DCLK2: variants seen among roughly 807,000 people sequenced by gnomAD.
DCLK2 encodes the protein serine/threonine-protein kinase DCLK2.
DCLK2 carries 31 observed loss-of-function variants against 78.4 expected under a neutral mutation model. The observed-to-expected ratio is 0.40, with a 90% CI of 0.30 to 0.53. The LOEUF (loss-of-function observed/expected upper bound fraction) is 0.53, where lower values mean the gene tolerates loss of function less well. DCLK2 is among the 20% of genes least tolerant of loss of function. The pLI is 0.61. For synonymous variants in DCLK2, 407 were observed against 374.9 expected (o/e 1.09, Z -0.99); for missense variants, 872 against 973.7 (o/e 0.90, Z 1.39).
At chr4:150,235,519 G>T (rs1742431690) in intron 10 of DCLK2, among the ~76,000 whole-genome samples, 1 of 152,136 alleles carries the variant, frequency 6.6e-6, no homozygotes, top group African/African-American at 2.4e-5. Context: ...GAGCCCCCTT[G>T]TGTTAGCCCA....
chr4:150,180,376 A>C (rs1737419937), intron 2 of DCLK2, among the ~76,000 whole-genome samples: 1 of 152,208 alleles, frequency 6.6e-6, no homozygotes, highest in East Asian at 1.9e-4. Context: ...TCTGTTGGAA[A>C]TAGAAAATTT....
intron 2 of DCLK2, chr4:150,175,420 A>G (rs1452854698): frequency 6.6e-6 from 1 of 151,790 alleles, no homozygotes; most frequent in Non-Finnish European, 1.5e-5. Flanking sequence ...TCAGGAGGGA[A>G]CTAATTTCTG....
chr4:150,119,019 C>A (rs1026169446), intron 2 of DCLK2, among the ~76,000 whole-genome samples: 1 of 137,646 alleles, frequency 7.3e-6, no homozygotes, highest in South Asian at 2.3e-4. Context: ...TTGAGTGAGG[C>A]TCTGTCTCAA....
At position 150,239,814 on chromosome 4, in the gene DCLK2, C is replaced by T. The variant is rs1742773583; in HGVS notation, c.1639C>T (p.Pro547Ser). ...TGGGCTTGCGACTGTGGTAGAAGGC[C>T]CTTTATACACAGTCTGTGGCACACC... ...DFGLATVVEG[P>S]LYTVCGTPTY... Residue 547 changes from proline (P) to serine (S), a missense_variant, in exon 11 of 16, where the codon CCT becomes TCT. This residue lies in a region of DCLK2 where 86 missense variants were observed against 150.3 expected (regional missense o/e 0.57). Coordinates refer to ENST00000296550, the MANE Select transcript of DCLK2 (RefSeq NM_001040260.4). 1 of 1,614,142 alleles carries T rather than the reference C, an allele frequency of 6.2e-7. No individual in the cohort carries two copies. Among genetic ancestry groups the T allele is most frequent in the Non-Finnish European group, 8.5e-7 (1 of 1,180,038 alleles).
intron 2 of DCLK2, among the ~76,000 whole-genome samples, chr4:150,188,993 G>C (rs1738178207): frequency 6.6e-6 from 1 of 150,572 alleles, no homozygotes; most frequent in Admixed American, 6.6e-5. Flanking sequence ...CTTGTTAAAT[G>C]CTTCTATTCC....
chr4:150,091,024 A>G (rs1257210972), intron 1 of DCLK2, among the ~76,000 whole-genome samples: 1 of 152,216 alleles, frequency 6.6e-6, no homozygotes, highest in Non-Finnish European at 1.5e-5. Flanking sequence ...TTAGTCTGCC[A>G]ATTCCTTTAA....
Position 150,079,250 on chromosome 4 carries a change from C to A in DCLK2, c.223C>A (p.Arg75Ser), listed in dbSNP as rs1289318927. ...CTCGGAGAAGAAGGCCAAGAAGGCG[C>A]GCTTCTACCGGAACGGGGACCGCTA... is the stretch of plus-strand genomic sequence containing the variant. The part of the protein sequence containing the change: ...LSSEKKAKKA[R>S]FYRNGDRYFK... The change falls in exon 1 of 16, where the codon CGC becomes AGC. Residue 75 changes from arginine (R) to serine (S), a missense_variant. Coordinates refer to ENST00000296550, the MANE Select transcript of DCLK2 (RefSeq NM_001040260.4). 1.2e-6 allele frequency: 2 copies of A among 1,607,620 alleles called. No individual in the cohort carries two copies.
At chr4:150,155,780 C>T (rs764211526) in intron 2 of DCLK2, among the ~76,000 whole-genome samples, 8 of 152,100 alleles carry the variant, frequency 5.3e-5, no homozygotes, top group South Asian at 4.2e-4. Flanking sequence ...AGAGGGCAGA[C>T]GCAAGACTGC....
intron 2 of DCLK2, among the ~76,000 whole-genome samples, chr4:150,170,796 AAAC>A (rs2150258531): frequency 6.6e-6 from 1 of 152,344 alleles, no homozygotes; most frequent in Admixed American, 6.5e-5. Flanking sequence ...TCTTGGAAAA[AAAC>A]CTGTACAACA....
chr4:150,156,714 T>C (rs1463314934), intron 2 of DCLK2, among the ~76,000 whole-genome samples: 1 of 151,354 alleles, frequency 6.6e-6, no homozygotes, highest in African/African-American at 2.4e-5. Context: ...AAAGAATATG[T>C]TGTATATAGG....
intron 12 of DCLK2, among the ~76,000 whole-genome samples, chr4:150,240,837 T>C (rs372347593): frequency 6.6e-6 from 1 of 151,884 alleles, no homozygotes; most frequent in East Asian, 1.9e-4. Context: ...AGCCTATTAA[T>C]GTATATTCTC....
At chr4:150,086,839 A>G (rs556298608) in intron 1 of DCLK2, among the ~76,000 whole-genome samples, 49 of 152,144 alleles carry the variant, frequency 3.2e-4, no homozygotes, top group Middle Eastern at 3.4e-3. Flanking sequence ...ATTTCTCGTT[A>G]TGTGTTTAAA....
In DCLK2 at chr4:150,248,187, G is replaced by C. The variant is rs1344337618; in HGVS notation, c.1876-118G>C. On this transcript the variant is annotated intron_variant, in intron 13 of 15. Transcript: ENST00000296550. Reference sequence around the variant, plus strand: ...TATAATCACGTTTAGGTTTGAATCAGTTAGCAGCTGTGCTGGCTCTTCTCT... The same window carrying C: ...TATAATCACGTTTAGGTTTGAATCACTTAGCAGCTGTGCTGGCTCTTCTCT... 4 of 788,282 alleles carry C rather than the reference G, an allele frequency of 5.1e-6. No individual in the cohort carries two copies. In the African/African-American group the frequency reaches 6.8e-5, roughly 13 times the overall value. 48.8% of individuals were successfully genotyped at this position (788,282 alleles called of 1,614,324 possible).
intron 2 of DCLK2, among the ~76,000 whole-genome samples, chr4:150,162,156 A>G (rs1399582600): frequency 1.3e-5 from 2 of 152,012 alleles, no homozygotes; most frequent in Non-Finnish European, 2.9e-5. Context: ...TCAGCCTCCC[A>G]AATAGCTGGC....
chr4:150,198,916 C>CG lies in DCLK2; in HGVS notation c.961+813_961+814insG, dbSNP rs959996310. 4.7e-4 allele frequency: 273 copies of CG among 579,128 alleles called. 13 individuals carry two copies. The Admixed American group carries it at 6.7e-3, about 14-fold the overall frequency. 35.9% of individuals were successfully genotyped at this position (579,128 alleles called of 1,614,324 possible). A position where few individuals can be genotyped will look rare whatever the true frequency, so the allele number is the denominator to read the frequency against. On this transcript the variant is annotated intron_variant, in intron 4 of 15. Transcript: ENST00000296550. ...CGCCCTTTCCCCTTTCAGCACCCCC[C>CG]CCCCCACTTTCTGTAGGGCAGGTCG...
At chr4:150,250,899 CCCCCCACAT>C (rs1743776631) in intron 15 of DCLK2, among the ~76,000 whole-genome samples, 1 of 85,368 alleles carries the variant, frequency 1.2e-5, no homozygotes, top group African/African-American at 4.0e-5. Context: ...ACCCCCCACA[CCCCCCACAT>C]CCCCACACAC....
rs1250834685 is a variant in DCLK2 at position 150,203,855 on chromosome 4, C to T, written c.1022C>T (p.Ser341Phe). ...AAATCTACGAAATCCTCCAGTTCCT[C>T]TCCAACTAGTCCAGGAAGTTTCAGA... is the stretch of plus-strand genomic sequence containing the variant. ...TPKSTKSSSSSPTSPGSFRGL... is the reference protein window; with the variant it reads ...TPKSTKSSSSFPTSPGSFRGL... The change falls in exon 5 of 16, where the codon TCT becomes TTT. Residue 341 changes from serine (S) to phenylalanine (F), a missense_variant. Around this residue, in one of 3 missense-constraint regions of DCLK2, gnomAD observed 567 missense variants for 593.4 expected, o/e 0.96. Transcript: ENST00000296550. 6.2e-7 allele frequency: 1 copy of T among 1,613,970 alleles called. No individual in the cohort carries two copies. The highest frequency in any genetic ancestry group is 1.1e-5 in the South Asian group (1 of 91,064).
chr4:150,173,907 C>G (rs191480165), intron 2 of DCLK2, among the ~76,000 whole-genome samples: 2 of 152,178 alleles, frequency 1.3e-5, no homozygotes, highest in Non-Finnish European at 1.5e-5. Flanking sequence ...TATTTGACAA[C>G]GATTTTGATG....
intron 2 of DCLK2, among the ~76,000 whole-genome samples, chr4:150,162,183 A>G (rs1353869496): frequency 6.6e-6 from 1 of 151,976 alleles, no homozygotes; most frequent in African/African-American, 2.4e-5. Flanking sequence ...GGCATGCGCC[A>G]CCATGCCTGG....
Sources: allele counts gnomAD v4.1 joint callset (sites outside exome capture counted in the v4.1 genomes callset), GRCh38; gene constraint gnomAD v4.1.1; regional missense constraint gnomAD v4.1.1; transcripts MANE v1.5; gene names NCBI Gene and HGNC (gene_info 2026-07-23, HGNC 2026-07-21).